PKHD1: variants seen among roughly 807,000 people sequenced by gnomAD.
The protein encoded by PKHD1 is PKHD1 ciliary IPT domain containing fibrocystin/polyductin, also known as fibrocystin.
In PKHD1, 291 loss-of-function variants were observed where a neutral mutation model predicts 412.0. That is an observed-to-expected ratio of 0.71 (90% CI 0.64 to 0.78). The LOEUF (loss-of-function observed/expected upper bound fraction) is 0.78. PKHD1 is among the 30% of genes least tolerant of loss of function. The pLI is 0.00. For synonymous variants in PKHD1, 1,777 were observed against 1,821.5 expected, an observed-to-expected ratio of 0.98 and a Z score of 0.62; for missense variants, 4,825 against 4,950.7, an observed-to-expected ratio of 0.97 and a Z score of 0.76.
At chr6:51,964,166 G>T (rs1792474203) in intron 35 of PKHD1, among the ~76,000 whole-genome samples, 1 of 152,116 alleles carries the variant, frequency 6.6e-6, no homozygotes, top group Non-Finnish European at 1.5e-5. Flanking sequence ...TGCAGTGTCT[G>T]CAAATCTTAC....
intron 53 of PKHD1, among the ~76,000 whole-genome samples, chr6:51,787,363 A>G (rs1793049876): frequency 7.4e-5 from 2 of 27,128 alleles, no homozygotes; most frequent in Non-Finnish European, 1.0e-4. Flanking sequence ...CCATCTCAAG[A>G]AAAAAAAAAA....
At chr6:51,708,977 C>T (rs1001160794) in intron 60 of PKHD1, among the ~76,000 whole-genome samples, 5 of 152,132 alleles carry the variant, frequency 3.3e-5, no homozygotes, top group Admixed American at 6.5e-5. Flanking sequence ...CCTTCTAGCC[C>T]AAAACAGTTG....
intron 35 of PKHD1, among the ~76,000 whole-genome samples, chr6:51,981,273 C>A: frequency 6.8e-6 from 1 of 146,068 alleles, no homozygotes; most frequent in South Asian, 2.3e-4. Context: ...AAAGGCACTG[C>A]GGTACAGAGC....
chr6:51,886,391 G>A (rs988653343), intron 44 of PKHD1, among the ~76,000 whole-genome samples: 3 of 152,160 alleles, frequency 2.0e-5, no homozygotes, highest in Non-Finnish European at 4.4e-5. Context: ...CATAGAGGCA[G>A]CCAAGATGTC....
At chr6:52,076,390 G>C in intron 5 of PKHD1, 57 bp from the exon 6 acceptor site, 2 of 1,300,940 alleles carry the variant, frequency 1.5e-6, no homozygotes, top group Admixed American at 3.4e-5. Flanking sequence ...ACAAACACAG[G>C]AGGCACAAGC....
chr6:52,075,634 GCTCT>G (rs1456450611), intron 6 of PKHD1, among the ~76,000 whole-genome samples: 1 of 152,094 alleles, frequency 6.6e-6, no homozygotes, highest in Non-Finnish European at 1.5e-5. Flanking sequence ...ATATCTGTGT[GCTCT>G]CTAACTTTAT....
chr6:52,065,092 G>C (rs752866495), intron 12 of PKHD1, 42 bp from the exon 13 acceptor site: 1 of 732,034 alleles, frequency 1.4e-6, no homozygotes. Context: ...TGTGTGTGTA[G>C]GTATACATAT....
chr6:51,896,230 GACAA>G (rs57538033), intron 43 of PKHD1, among the ~76,000 whole-genome samples: 1 of 151,900 alleles, frequency 6.6e-6, no homozygotes, highest in African/African-American at 2.4e-5. Flanking sequence ...CAGACAAACA[GACAA>G]CAGTAACCTC....
chr6:52,016,428 G>A (rs1193980186), intron 34 of PKHD1, among the ~76,000 whole-genome samples: 1 of 152,058 alleles, frequency 6.6e-6, no homozygotes, highest in African/African-American at 2.4e-5. Flanking sequence ...TTGAGCTCAG[G>A]AGTTTGAGAC....
chr6:51,694,142 C>CT (rs1434825283), intron 60 of PKHD1, among the ~76,000 whole-genome samples: 10 of 151,836 alleles, frequency 6.6e-5, no homozygotes, highest in Admixed American at 2.6e-4. Context: ...TGTTATGATG[C>CT]TTTTTTTTAA....
chr6:51,732,887 G>A (rs1243911854), intron 60 of PKHD1, among the ~76,000 whole-genome samples: 1 of 152,220 alleles, frequency 6.6e-6, no homozygotes, highest in East Asian at 1.9e-4. Flanking sequence ...AGCATTCCAG[G>A]TGTCCATGGG....
chr6:51,898,997 C>T (rs1277011121), intron 43 of PKHD1, among the ~76,000 whole-genome samples: 1 of 152,196 alleles, frequency 6.6e-6, no homozygotes, highest in Non-Finnish European at 1.5e-5. Context: ...AGACCAATAA[C>T]AGGATCTGAA....
chr6:51,701,684 G>C (rs997333254), intron 60 of PKHD1, among the ~76,000 whole-genome samples: 2 of 152,006 alleles, frequency 1.3e-5, no homozygotes, highest in African/African-American at 4.8e-5. Flanking sequence ...ATATAGGTGA[G>C]ACACAGAATT....
At chr6:51,961,714 G>C (rs1792070133) in intron 35 of PKHD1, among the ~76,000 whole-genome samples, 1 of 152,006 alleles carries the variant, frequency 6.6e-6, no homozygotes, top group Non-Finnish European at 1.5e-5. Flanking sequence ...AAACAGAGAT[G>C]GTAAAGTAAA....
intron 36 of PKHD1, among the ~76,000 whole-genome samples, chr6:51,941,573 C>T (rs1308181150): frequency 6.6e-6 from 1 of 151,450 alleles, no homozygotes; most frequent in Non-Finnish European, 1.5e-5. Context: ...CCTTTTAAAG[C>T]CTATAAACTC....
At chr6:51,648,842 A>T (rs1770483557) in intron 62 of PKHD1, among the ~76,000 whole-genome samples, 1 of 152,210 alleles carries the variant, frequency 6.6e-6, no homozygotes. Context: ...TTGGTTGGGG[A>T]GGAAAAGTAT....
intron 52 of PKHD1, among the ~76,000 whole-genome samples, chr6:51,809,468 C>T (rs9382032): frequency 0.57 from 86,062 of 151,732 alleles, 24,774 homozygotes; most frequent in East Asian, 0.78. Context: ...ACCAATCCTC[C>T]CCAAAATAAT....
chr6:52,038,717 A>G (rs2128174342), intron 27 of PKHD1, among the ~76,000 whole-genome samples: 1 of 152,244 alleles, frequency 6.6e-6, no homozygotes, highest in East Asian at 1.9e-4. Context: ...CCTACCTCAT[A>G]CCATGTACAA....
At chr6:51,966,219 T>C (rs528824313) in intron 35 of PKHD1, among the ~76,000 whole-genome samples, 65 of 152,292 alleles carry the variant, frequency 4.3e-4, no homozygotes, top group Admixed American at 3.9e-4. Context: ...CTTGGTTTTA[T>C]ACATTTTAGG....
Sources: allele counts gnomAD v4.1 joint callset (sites outside exome capture counted in the v4.1 genomes callset), GRCh38; gene constraint gnomAD v4.1.1; transcripts MANE v1.5; gene names NCBI Gene and HGNC (gene_info 2026-07-23, HGNC 2026-07-21).